Variants in C3 observed in about 807,000 individuals in gnomAD.
C3 encodes the protein C3 and PZP-like alpha-2-macroglobulin domain-containing protein 1.
A neutral mutation model predicts 207.9 loss-of-function variants in C3; 97 were observed. That is an observed-to-expected ratio of 0.47 (90% CI 0.40 to 0.55). C3 has a LOEUF of 0.55. C3 is among the 20% of genes least tolerant of loss of function. C3 has a pLI of 0.00. For missense variants in C3, 1,684 were observed against 2,171.7 expected, an observed-to-expected ratio of 0.78 and a Z score of 4.46; for synonymous variants, 848 against 857.6, an observed-to-expected ratio of 0.99 and a Z score of 0.20.
intron 17 of C3, among the ~76,000 whole-genome samples, chr19:6,704,331 A>C (rs989209549): frequency 3.3e-5 from 5 of 152,220 alleles, no homozygotes; most frequent in Non-Finnish European, 5.9e-5. Context: ...CACTACCAGC[A>C]AGTAAATGAA....
Position 6,697,288 on chromosome 19 carries a change from G to A in C3, c.2796+56C>T, listed in dbSNP as rs970584789. 6 of 1,319,418 alleles carry A rather than the reference G, an allele frequency of 4.5e-6. No individual in the cohort carries two copies. In the East Asian group the frequency reaches 6.9e-5, roughly 15 times the overall value. The allele number at this position is 1,319,418 out of a possible 1,614,324, so 81.7% of individuals were successfully genotyped here. A position where few individuals can be genotyped will look rare whatever the true frequency, so the allele number is the denominator to read the frequency against. On this transcript the variant is annotated intron_variant, in intron 21 of 40. Coordinates refer to ENST00000245907, the MANE Select transcript of C3 (RefSeq NM_000064.4). ...GATCTCCAACCTGAGTCAATAGTACGAAGACCAGGAGCCCTCTCTGAAGGA... is the reference window on the plus strand; with the variant it reads ...GATCTCCAACCTGAGTCAATAGTACAAAGACCAGGAGCCCTCTCTGAAGGA...
chr19:6,696,069 G>A (rs2145409698), intron 23 of C3, among the ~76,000 whole-genome samples: 1 of 151,882 alleles, frequency 6.6e-6, no homozygotes, highest in Non-Finnish European at 1.5e-5. Flanking sequence ...AATTAGCCGG[G>A]CGTGGTGGCG....
chr19:6,718,535 G>T, intron 2 of C3, 123 bp from the exon 3 acceptor site: 1 of 1,130,684 alleles, frequency 8.8e-7, no homozygotes, highest in Non-Finnish European at 1.3e-6. Flanking sequence ...CGAGGTGGCC[G>T]TTTTGGGGAG....
rs1311946329 is a variant in C3, at chr19:6,700,485, T to C, written c.2440+1642A>G. Among the ~76,000 whole-genome samples, 4 of 37,706 alleles carry C rather than the reference T, an allele frequency of 1.1e-4. 1 individual carries two copies. Among genetic ancestry groups the C allele is most frequent in the Non-Finnish European group, 1.1e-4 (3 of 26,468 alleles). The allele number at this position is 37,706 out of a possible 152,430, so 24.7% of individuals were successfully genotyped here. A position where few individuals can be genotyped will look rare whatever the true frequency, so the allele number is the denominator to read the frequency against. ...TGTTATATATGTAATATATAATATA[T>C]GTAATATGATATATTATATATGTAA... is the stretch of plus-strand genomic sequence containing the variant. On this transcript the variant is annotated intron_variant, in intron 19 of 40. Transcript: ENST00000245907.
chr19:6,707,330 G>A (rs1967802861), intron 16 of C3, 57 bp from the exon 17 acceptor site: 1 of 1,599,916 alleles, frequency 6.3e-7, no homozygotes, highest in Non-Finnish European at 8.5e-7. Context: ...GGCAGCAGGA[G>A]GGACGCGGGA....
intron 24 of C3, 22 bp downstream of exon 24, chr19:6,694,409 C>T: frequency 6.2e-7 from 1 of 1,611,328 alleles, no homozygotes; most frequent in Non-Finnish European, 8.5e-7. Context: ...CCTGGGGTCT[C>T]CAAGAGGGGC....
intron 28 of C3, chr19:6,686,507 A>G (rs1175873282): frequency 2.8e-6 from 2 of 711,214 alleles, no homozygotes; most frequent in Admixed American, 2.2e-5. Context: ...TTTGTTGAAT[A>G]AATGACGCAA....
Position 6,707,523 on chromosome 19 carries a change from G to A in C3, c.1990C>T (p.Gln664Ter). The change falls in exon 16 of 41, where the codon CAG becomes TAG. Residue 664 changes from glutamine to a stop codon, truncating the protein, a stop_gained. Transcript: ENST00000245907. LOFTEE classifies it high-confidence loss of function. ...TAQRAELQCPQPAARRRRSVQ... is the reference protein window; with the variant it reads ...TAQRAELQCP ...GAACGGCGTCGGCGGGCGGCTGGCT[G>A]CGGGCACTGAAGTTCTGCAGGGCAG... 1.2e-6 allele frequency: 2 copies of A among 1,614,056 alleles called. No homozygotes were observed. Among genetic ancestry groups the A allele is most frequent in the Non-Finnish European group, 1.7e-6 (2 of 1,179,962 alleles).
chr19:6,690,506 A>C, intron 27 of C3, 123 bp downstream of exon 27: 1 of 772,864 alleles, frequency 1.3e-6, no homozygotes, highest in Non-Finnish European at 2.4e-6. Context: ...ACATGACTGC[A>C]GTGATGTCTG....
intron 23 of C3, 30 bp from the exon 24 acceptor site, chr19:6,694,664 A>C (rs758758624): frequency 6.3e-7 from 1 of 1,599,820 alleles, no homozygotes; most frequent in Non-Finnish European, 8.5e-7. Context: ...GACGTTGCTC[A>C]AGCCAGGTGG....
Position 6,720,578 on chromosome 19 carries a change from G to A in C3, c.12C>T (p.Thr4=). 6.3e-7 allele frequency: 1 copy of A among 1,581,952 alleles called. No individual in the cohort carries two copies. Among genetic ancestry groups the A allele is most frequent in the Non-Finnish European group, 8.6e-7 (1 of 1,163,544 alleles). Residue 4 remains threonine, a synonymous_variant, in exon 1 of 41, where the codon ACC becomes ACT. Coordinates refer to ENST00000245907, the MANE Select transcript of C3 (RefSeq NM_000064.4). MGP[T]SGPSLLLLLL... ...GCAGGAGCAGCAGGCTGGGACCTGAGGTGGGTCCCATGGTGCTGGGACAGT... is the reference window on the plus strand; with the variant it reads ...GCAGGAGCAGCAGGCTGGGACCTGAAGTGGGTCCCATGGTGCTGGGACAGT...
chr19:6,702,377 A>G, intron 18 of C3, 94 bp downstream of exon 18: 1 of 1,031,292 alleles, frequency 9.7e-7, no homozygotes, highest in Non-Finnish European at 1.5e-6. Flanking sequence ...GTGGGGTTGC[A>G]CTGTGATTCC....
chr19:6,716,205 T>C (rs965667275), intron 4 of C3, among the ~76,000 whole-genome samples: 2 of 152,006 alleles, frequency 1.3e-5, no homozygotes, highest in Non-Finnish European at 2.9e-5. Context: ...AATTACAGGC[T>C]TGAGCCATTG....
At chr19:6,718,993 C>G (rs1322540286) in intron 2 of C3, among the ~76,000 whole-genome samples, 3 of 42,072 alleles carry the variant, frequency 7.1e-5, no homozygotes, top group African/African-American at 3.2e-4. Flanking sequence ...GGGGGGGGGT[C>G]TCAGAAAAGG....
Position 6,718,077 on chromosome 19 carries a change from C to A in C3, c.504+17G>T. On this transcript the variant is annotated intron_variant, in intron 4 of 40. Coordinates refer to ENST00000245907, the MANE Select transcript of C3 (RefSeq NM_000064.4). The stretch of plus-strand genomic sequence containing the variant: ...GCCTGTGCCCCTGCTTCCCCTGGGG[C>A]CCCCTCTGGCTGGCACCTCAATGTT... 1 of 1,613,434 alleles carries A rather than the reference C, an allele frequency of 6.2e-7. No homozygotes were observed. The highest frequency in any genetic ancestry group is 1.1e-5 in the South Asian group (1 of 91,072).
Position 6,679,397 on chromosome 19 carries a change from G to A in C3, c.4546+10C>T, listed in dbSNP as rs1961671855. The A allele has an allele frequency of 1.2e-6, 2 of 1,608,860 alleles. No individual in the cohort carries two copies. Among genetic ancestry groups the A allele is most frequent in the South Asian group, 1.1e-5 (1 of 90,990 alleles). ...TCAGACCCACCTGTTCCCGGCTCCAGGGAACTCACCCTCAGCACAGCGGCA... is the reference window on the plus strand; with the variant it reads ...TCAGACCCACCTGTTCCCGGCTCCAAGGAACTCACCCTCAGCACAGCGGCA... On this transcript the variant is annotated intron_variant, in intron 37 of 40. Transcript: ENST00000245907.
rs137879257 is a variant in C3 at position 6,709,636 on chromosome 19, C to G, written c.1845+48G>C. 403 of 1,546,774 alleles carry G rather than the reference C, an allele frequency of 2.6e-4. 4 individuals are homozygous for G. In the South Asian group the frequency reaches 4.2e-3, roughly 16 times the overall value. ...TCCCACCCACCTCCCCCAGCCCCAG[C>G]TCCGTGCCTCCGCCTCTTCTCAGCA... On this transcript the variant is annotated intron_variant, in intron 14 of 40. Transcript: ENST00000245907.
chr19:6,693,932 A>G (rs1203040358), intron 24 of C3, among the ~76,000 whole-genome samples: 2 of 150,094 alleles, frequency 1.3e-5, no homozygotes, highest in Admixed American at 6.6e-5. Context: ...GCCTGGGAGG[A>G]GTCAGGGCCT....
At position 6,686,569 on chromosome 19, in the gene C3, G is replaced by A. The variant is rs1396386391; in HGVS notation, c.3646+177C>T. On this transcript the variant is annotated intron_variant, in intron 28 of 40. Transcript: ENST00000245907. ...AGGACCTGCGAAAACTTAGAGCCGT[G>A]CATCCCAGCTCAGCTCAGGGTTATG... The A allele has an allele frequency of 5.0e-6, 4 of 793,836 alleles. No individual in the cohort carries two copies. The African/African-American group carries it at 5.1e-5, about 10-fold the overall frequency. The allele number at this position is 793,836 out of a possible 1,614,324, so 49.2% of individuals were successfully genotyped here. A position where few individuals can be genotyped will look rare whatever the true frequency, so the allele number is the denominator to read the frequency against.
Sources: gnomAD v4.1 joint callset for allele counts (sites outside exome capture counted in the v4.1 genomes callset) on GRCh38, gnomAD v4.1.1 for gene constraint, MANE v1.5 for transcripts, NCBI Gene and HGNC (gene_info 2026-07-23, HGNC 2026-07-21) for gene names.